LY75: variants seen among roughly 807,000 people sequenced by gnomAD.
The protein encoded by LY75 is C-type lectin domain family 13 member B.
A neutral mutation model predicts 231.7 loss-of-function variants in LY75; 185 were observed. The observed-to-expected ratio is 0.80, with a 90% CI of 0.71 to 0.90. LY75 has a LOEUF of 0.90. Ranked by LOEUF, LY75 falls within the 40% of genes least tolerant of loss-of-function variation. The pLI, the probability that LY75 is intolerant of heterozygous loss-of-function variation, is 0.00. For missense variants in LY75, 1,947 were observed against 2,050.2 expected, an observed-to-expected ratio of 0.95 and a Z score of 0.97; for synonymous variants, 668 against 689.0, an observed-to-expected ratio of 0.97 and a Z score of 0.48.
chr2:159,895,179 G>T (rs538145611), intron 2 of LY75, among the ~76,000 whole-genome samples: 49 of 152,188 alleles, frequency 3.2e-4, no homozygotes, highest in South Asian at 1.2e-3. Context: ...TAACAGCTTA[G>T]AATGTAATAA....
At position 159,851,287 on chromosome 2, in the gene LY75, A is replaced by G. The variant is rs539526859; in HGVS notation, c.2884-820T>C. ...CACATCTCTTTTTTCCCTTTTTCAC[A>G]TTATGATCACTTTAGTGTAGAGTGG... On this transcript the variant is annotated intron_variant, in intron 21 of 34. Coordinates refer to ENST00000263636, the MANE Select transcript of LY75 (RefSeq NM_002349.4). 2.0e-5 allele frequency among the ~76,000 whole-genome samples: 3 copies of G among 152,246 alleles called. No individual in the cohort carries two copies. In the East Asian group the frequency reaches 5.8e-4, roughly 29 times the overall value.
rs770769057 is a variant in LY75 at position 159,860,923 on chromosome 2, C to G, written c.2200-34G>C. 4 of 1,612,432 alleles carry G rather than the reference C, an allele frequency of 2.5e-6. No homozygotes were observed. In the South Asian group the frequency reaches 4.4e-5, roughly 18 times the overall value. On this transcript the variant is annotated intron_variant, in intron 14 of 34. Coordinates refer to ENST00000263636, the MANE Select transcript of LY75 (RefSeq NM_002349.4). ...ACAAGAGAGGCTTGAGAATTTAAGA[C>G]TGATGTATAAATATTTGCAATTTAG...
rs762190341 is a variant in LY75 at position 159,854,483 on chromosome 2, C to A, written c.2472G>T (p.Trp824Cys). 1 of 1,613,510 alleles carries A rather than the reference C, an allele frequency of 6.2e-7. No homozygotes were observed. Among genetic ancestry groups the A allele is most frequent in the South Asian group, 1.1e-5 (1 of 91,044 alleles). The change falls in exon 18 of 35, where the codon TGG (tryptophan) becomes TGT (cysteine). Residue 824 changes from tryptophan (W) to cysteine (C), a missense_variant. Coordinates refer to ENST00000263636, the MANE Select transcript of LY75 (RefSeq NM_002349.4). Reference sequence around the variant, plus strand: ...AGTTTAGGTGAAGATCAGCAACAAACCAATATTCACTTCCTTCAATTATAA... The same window carrying A: ...AGTTTAGGTGAAGATCAGCAACAAAACAATATTCACTTCCTTCAATTATAA... ...PPLIIEGSEY[W>C]FVADLHLNYE...
rs79682729 is a variant in LY75, at chr2:159,848,891, G to A, written c.3150+1089C>T. On this transcript the variant is annotated intron_variant, in intron 23 of 34. Transcript: ENST00000263636. ...AGAATGGAACAAAATAGAAGAGAAC[G>A]AACATATCAGAGTGCATAAATTATA... Among the ~76,000 whole-genome samples the A allele has an allele frequency of 1.3e-3, 196 of 152,088 alleles. 4 individuals are homozygous for A. The East Asian group carries it at 0.035, about 27-fold the overall frequency.
intron 33 of LY75, chr2:159,807,890 ATTATCTGCAAT>A (rs1682834408): frequency 2.0e-6 from 2 of 985,188 alleles, no homozygotes; most frequent in Admixed American, 1.2e-4. Context: ...CTTTGAATCA[ATTATCTGCAAT>A]TTTATAGGTT....
At chr2:159,883,681 C>T (rs1560100182) in intron 6 of LY75, among the ~76,000 whole-genome samples, 1 of 152,152 alleles carries the variant, frequency 6.6e-6, no homozygotes, top group Non-Finnish European at 1.5e-5. Context: ...CTTAATCTAT[C>T]ATCAATTGCT....
At position 159,842,174 on chromosome 2, in the gene LY75, ACTCTCTCT is replaced by A. The variant is rs201135691; in HGVS notation, c.3280+63_3280+70del. 9 of 1,445,840 alleles carry A rather than the reference ACTCTCTCT, an allele frequency of 6.2e-6. No individual in the cohort carries two copies. In the African/African-American group the frequency reaches 1.1e-4, roughly 18 times the overall value. 89.6% of individuals were successfully genotyped at this position (1,445,840 alleles called of 1,614,324 possible). On this transcript the variant is annotated intron_variant, in intron 24 of 34. Transcript: ENST00000263636. ...TTCCCCTCCCTCCCTATAGAAAGTG[ACTCTCTCT>A]CTCTCTATATATATATATGTAATAG... is the stretch of plus-strand genomic sequence containing the variant.
chr2:159,862,693 G>T (rs1352701421), intron 14 of LY75, among the ~76,000 whole-genome samples: 2 of 152,020 alleles, frequency 1.3e-5, no homozygotes, highest in African/African-American at 4.8e-5. Context: ...TAAATTGGCA[G>T]ATAAAAGTAT....
intron 28 of LY75, among the ~76,000 whole-genome samples, chr2:159,824,329 T>A (rs1443342898): frequency 6.6e-6 from 1 of 152,006 alleles, no homozygotes; most frequent in African/African-American, 2.4e-5. Context: ...TAATCTCTGA[T>A]AAAACAGACT....
In LY75 at chr2:159,831,783, G is replaced by C. The variant is rs1163633054; in HGVS notation, c.3845C>G (p.Pro1282Arg). The change falls in exon 28 of 35, where the codon CCA becomes CGA. Residue 1282 changes from proline to arginine, a missense_variant. Coordinates refer to ENST00000263636, the MANE Select transcript of LY75 (RefSeq NM_002349.4). ...EVHTKCQKLN[P>R]KSHILSIRDE... ...TCGAATACTCAGAATATGTGATTTT[G>C]GATCTGTTGAATAAAAAATAATCAA... 6.3e-7 allele frequency: 1 copy of C among 1,596,150 alleles called. No homozygotes were observed. Among genetic ancestry groups the C allele is most frequent in the African/African-American group, 1.4e-5 (1 of 73,848 alleles).
Position 159,807,101 on chromosome 2 carries a change from A to G in LY75, c.4862T>C (p.Phe1621Ser). 6.2e-7 allele frequency: 1 copy of G among 1,613,884 alleles called. No individual in the cohort carries two copies. The highest frequency in any genetic ancestry group is 8.5e-7 in the Non-Finnish European group (1 of 1,179,904). Residue 1621 changes from phenylalanine to serine, a missense_variant, in exon 34 of 35, where the codon TTT (phenylalanine) becomes TCT (serine). Phe to Ser is a radical substitution (Grantham distance 155, BLOSUM62 -2). Coordinates refer to ENST00000263636, the MANE Select transcript of LY75 (RefSeq NM_002349.4). ...WSWLDGSEVT[F>S]VKWENKSKSG... The stretch of plus-strand genomic sequence containing the variant: ...CTTACTTTTATTTTCCCATTTGACA[A>G]ATGTCACTTCTGATCCATCTAACCA...
At chr2:159,851,239 T>TA (rs1284402944) in intron 21 of LY75, among the ~76,000 whole-genome samples, 1 of 152,240 alleles carries the variant, frequency 6.6e-6, no homozygotes, top group East Asian at 1.9e-4. Context: ...CTAGCTTTAC[T>TA]ACAGATGCTT....
Position 159,894,089 on chromosome 2 carries a change from G to T in LY75, c.467-5C>A. The T allele has an allele frequency of 6.3e-7, 1 of 1,587,262 alleles. No homozygotes were observed. The highest frequency in any genetic ancestry group is 2.3e-5 in the East Asian group (1 of 44,162). On this transcript the variant is annotated splice_region_variant and splice_polypyrimidine_tract_variant and intron_variant, in intron 2 of 34. Transcript: ENST00000263636. ...TCCCATCTCTGGTATAGATCTCTGG[G>T]TTGGAGAGGAAGTTGGGGAAAAGAG... is the stretch of plus-strand genomic sequence containing the variant.
intron 2 of LY75, among the ~76,000 whole-genome samples, chr2:159,895,468 G>C (rs1258708337): frequency 6.6e-6 from 1 of 152,176 alleles, no homozygotes; most frequent in Non-Finnish European, 1.5e-5. Flanking sequence ...TCCTTGTAGA[G>C]CCATCAGTTT....
intron 26 of LY75, among the ~76,000 whole-genome samples, chr2:159,834,840 T>C (rs1488478617): frequency 6.6e-6 from 1 of 152,204 alleles, no homozygotes; most frequent in African/African-American, 2.4e-5. Context: ...CTCTCCTGGA[T>C]CACAATAAGT....
chr2:159,890,993 C>A (rs186286806), intron 3 of LY75, among the ~76,000 whole-genome samples: 4 of 152,130 alleles, frequency 2.6e-5, no homozygotes, highest in South Asian at 4.1e-4. Context: ...GTAGAGTATG[C>A]ATAATTTCAG....
At chr2:159,891,161 A>T (rs573452482) in intron 3 of LY75, among the ~76,000 whole-genome samples, 97 of 152,290 alleles carry the variant, frequency 6.4e-4, no homozygotes, top group Non-Finnish European at 1.1e-3. Flanking sequence ...GGACTTTCCA[A>T]AAGGCCTCCT....
intron 14 of LY75, 69 bp from the exon 15 acceptor site, chr2:159,860,958 A>T: frequency 3.8e-6 from 6 of 1,583,622 alleles, no homozygotes; most frequent in Non-Finnish European, 4.3e-6. Flanking sequence ...GATGTAATTT[A>T]GGCAGCCTTA....
chr2:159,854,065 A>G (rs1684478703), intron 18 of LY75, among the ~76,000 whole-genome samples: 1 of 152,198 alleles, frequency 6.6e-6, no homozygotes, highest in Non-Finnish European at 1.5e-5. Context: ...ACAGAAACTC[A>G]AGTTAACTAT....
Sources: gnomAD v4.1 joint callset for allele counts (sites outside exome capture counted in the v4.1 genomes callset) on GRCh38, gnomAD v4.1.1 for gene constraint, MANE v1.5 for transcripts, NCBI Gene and HGNC (gene_info 2026-07-23, HGNC 2026-07-21) for gene names.